Variants in WDR70 observed in about 807,000 individuals in gnomAD.
WDR70 encodes WD repeat domain 70.
WDR70 carries 53 observed loss-of-function variants against 88.6 expected under a neutral mutation model. The ratio of observed to expected loss-of-function variants is 0.60; its 90% CI spans 0.48 to 0.75. WDR70 has a LOEUF of 0.75. Among genes scored for constraint, WDR70 ranks in the 30% least tolerant of loss-of-function variants. WDR70 has a pLI of 0.00. For missense variants in WDR70, 610 were observed against 823.2 expected (o/e 0.74, Z 3.17); for synonymous variants, 280 against 270.0 (o/e 1.04, Z -0.36).
At chr5:37,591,529 C>T (rs1349387529) in intron 9 of WDR70, among the ~76,000 whole-genome samples, 1 of 152,144 alleles carries the variant, frequency 6.6e-6, no homozygotes, top group Non-Finnish European at 1.5e-5. Context: ...ATATTCCTGT[C>T]CTGTGTAAAA....
intron 9 of WDR70, among the ~76,000 whole-genome samples, chr5:37,553,432 T>C (rs549334653): frequency 6.6e-6 from 1 of 152,314 alleles, no homozygotes; most frequent in South Asian, 2.1e-4. Flanking sequence ...GCGGTGCTTT[T>C]TCAAACTGAA....
At chr5:37,548,156 T>A (rs1389747740) in intron 9 of WDR70, among the ~76,000 whole-genome samples, 4 of 152,206 alleles carry the variant, frequency 2.6e-5, no homozygotes, top group Non-Finnish European at 5.9e-5. Flanking sequence ...CTTTTGGGTA[T>A]GTACCCAGCA....
intron 17 of WDR70, among the ~76,000 whole-genome samples, chr5:37,746,626 G>A (rs1177481603): frequency 6.6e-6 from 1 of 152,076 alleles, no homozygotes; most frequent in East Asian, 1.9e-4. Context: ...TACCATCAGA[G>A]AATACTATGA....
intron 9 of WDR70, among the ~76,000 whole-genome samples, chr5:37,526,577 C>T (rs559469424): frequency 1.3e-5 from 2 of 152,282 alleles, no homozygotes; most frequent in African/African-American, 4.8e-5. Context: ...TGCCACAAGA[C>T]AGGGATGCCC....
At chr5:37,671,050 T>C (rs12520944) in intron 10 of WDR70, among the ~76,000 whole-genome samples, 36,137 of 152,146 alleles carry the variant, frequency 0.24, 4,847 homozygotes, top group East Asian at 0.36. Context: ...TCTTGGCATA[T>C]TGGAGTACTT....
chr5:37,396,260 A>T (rs1749008387), intron 4 of WDR70, 115 bp from the exon 5 acceptor site: 2 of 1,352,074 alleles, frequency 1.5e-6, no homozygotes, highest in Non-Finnish European at 1.9e-6. Context: ...TAAAAAAATT[A>T]AAAAATACCC....
intron 8 of WDR70, among the ~76,000 whole-genome samples, chr5:37,480,210 C>T (rs1372613426): frequency 6.6e-6 from 1 of 152,164 alleles, no homozygotes; most frequent in Non-Finnish European, 1.5e-5. Context: ...AGATGGTTTG[C>T]AGTCAGTGTC....
chr5:37,728,553 C>T (rs1748056625), intron 17 of WDR70, among the ~76,000 whole-genome samples: 1 of 151,932 alleles, frequency 6.6e-6, no homozygotes, highest in African/African-American at 2.4e-5. Flanking sequence ...CACTTTCCCT[C>T]AGTTGGGGTT....
At chr5:37,562,584 C>A (rs1305439355) in intron 9 of WDR70, among the ~76,000 whole-genome samples, 1 of 152,116 alleles carries the variant, frequency 6.6e-6, no homozygotes, top group Non-Finnish European at 1.5e-5. Context: ...GAGGACCCTG[C>A]GGCCTTCCGG....
At chr5:37,568,134 C>T (rs376418675) in intron 9 of WDR70, among the ~76,000 whole-genome samples, 11 of 152,132 alleles carry the variant, frequency 7.2e-5, no homozygotes, top group South Asian at 4.1e-4. Flanking sequence ...AGGACCTCCT[C>T]ATTTAGCCCT....
rs113007818 is a variant in WDR70, at chr5:37,608,128, A to C, written c.1092+2890A>C. 4.1e-3 allele frequency among the ~76,000 whole-genome samples: 543 copies of C among 133,186 alleles called. 5 individuals carry two copies. The highest frequency in any genetic ancestry group is 6.1e-3 in the Non-Finnish European group (397 of 65,190). The allele number at this position is 133,186 out of a possible 152,430, so 87.4% of individuals were successfully genotyped here. A position where few individuals can be genotyped will look rare whatever the true frequency, so the allele number is the denominator to read the frequency against. On this transcript the variant is annotated intron_variant, in intron 10 of 17. Transcript: ENST00000265107. ...ACAATCTTGGCTCACTGCTACCTCC[A>C]CCTCCCGGATTCAAGTGGTTCTTCT... is the stretch of plus-strand genomic sequence containing the variant.
At chr5:37,404,558 A>G (rs910974910) in intron 5 of WDR70, among the ~76,000 whole-genome samples, 3 of 152,216 alleles carry the variant, frequency 2.0e-5, no homozygotes, top group African/African-American at 7.2e-5. Flanking sequence ...AGAGGCCATA[A>G]GCTCCTGGTT....
At chr5:37,690,890 TA>T (rs1307622772) in intron 10 of WDR70, among the ~76,000 whole-genome samples, 1 of 152,156 alleles carries the variant, frequency 6.6e-6, no homozygotes, top group Non-Finnish European at 1.5e-5. Context: ...ACGTTAAAGG[TA>T]AATGGGCTAA....
chr5:37,387,649 G>GT (rs35840030), intron 3 of WDR70, among the ~76,000 whole-genome samples: 87 of 146,244 alleles, frequency 5.9e-4, no homozygotes, highest in Non-Finnish European at 5.7e-4. Flanking sequence ...ATTCATAAGA[G>GT]TTTTTTTTTT....
intron 10 of WDR70, among the ~76,000 whole-genome samples, chr5:37,631,322 C>T (rs1478866737): frequency 1.3e-5 from 2 of 152,142 alleles, no homozygotes; most frequent in Non-Finnish European, 2.9e-5. Flanking sequence ...AGAGTTTGCC[C>T]AATGAAGGCA....
intron 9 of WDR70, among the ~76,000 whole-genome samples, chr5:37,599,629 C>T (rs1189686065): frequency 3.9e-5 from 6 of 152,082 alleles, no homozygotes; most frequent in South Asian, 2.1e-4. Flanking sequence ...TGGTGGCTCA[C>T]GCCTATAATC....
intron 8 of WDR70, among the ~76,000 whole-genome samples, chr5:37,486,760 C>T (rs1006017975): frequency 2.7e-5 from 4 of 146,212 alleles, no homozygotes; most frequent in South Asian, 2.4e-4. Context: ...GCTTGTTGGC[C>T]GCATGTGTCT....
At chr5:37,382,923 G>A (rs1388568659) in intron 3 of WDR70, among the ~76,000 whole-genome samples, 1 of 151,952 alleles carries the variant, frequency 6.6e-6, no homozygotes, top group African/African-American at 2.4e-5. Context: ...TGAGGCAGGA[G>A]AATCGCTTGA....
chr5:37,418,640 C>T (rs1749837578), intron 5 of WDR70, among the ~76,000 whole-genome samples: 2 of 152,220 alleles, frequency 1.3e-5, no homozygotes, highest in South Asian at 4.2e-4. Flanking sequence ...TAGCCATATA[C>T]CTTCTTCTAT....
Sources: allele counts gnomAD v4.1 joint callset (sites outside exome capture counted in the v4.1 genomes callset), GRCh38; gene constraint gnomAD v4.1.1; transcripts MANE v1.5; gene names NCBI Gene and HGNC (gene_info 2026-07-23, HGNC 2026-07-21).